FAM98B: variants seen among roughly 807,000 people sequenced by gnomAD.
FAM98B encodes tRNA-splicing ligase complex subunit FAM98B.
FAM98B carries 32 observed loss-of-function variants against 43.9 expected under a neutral mutation model. That is an observed-to-expected ratio of 0.73 (90% CI 0.55 to 0.98). The LOEUF (loss-of-function observed/expected upper bound fraction) is 0.98. Ranked by LOEUF, FAM98B falls within the 50% of genes least tolerant of loss-of-function variation. The pLI, the probability that FAM98B is intolerant of heterozygous loss-of-function variation, is 0.00. For synonymous variants in FAM98B, 190 were observed against 174.0 expected (o/e 1.09, Z -0.72); for missense variants, 514 against 522.9 (o/e 0.98, Z 0.17).
chr15:38,471,448 A>G (rs1036588179), intron 4 of FAM98B, among the ~76,000 whole-genome samples: 4 of 152,046 alleles, frequency 2.6e-5, no homozygotes, highest in African/African-American at 9.7e-5. Context: ...TTCTGGGACT[A>G]TTTCAGATTG....
In FAM98B at chr15:38,470,412, T is replaced by A. The variant is rs761615545; in HGVS notation, c.531+7T>A. The A allele has an allele frequency of 1.9e-6, 3 of 1,575,616 alleles. No homozygotes were observed. The highest frequency in any genetic ancestry group is 2.1e-5 in the Admixed American group (1 of 48,580). On this transcript the variant is annotated splice_region_variant and intron_variant, in intron 4 of 7. Transcript: ENST00000397609. ...AAACCAAGTGGAATCAAAGGTATTA[T>A]CTTTGTTTTATTTTCCCCAAAATTC...
In FAM98B at chr15:38,464,063, C is replaced by G; in HGVS notation, c.103C>G (p.Leu35Val). Residue 35 changes from leucine (L) to valine (V), a missense_variant, in exon 2 of 8, where the codon CTT (leucine) becomes GTT (valine). By Grantham distance (32) the Leu-to-Val change is conservative. This residue lies in a region of FAM98B where 469 missense variants were observed against 451.8 expected (regional missense o/e 1.04). Transcript: ENST00000397609. Reference protein sequence around the residue: ...YKGPLLEEQALTKAAEGGLSS... With the variant: ...YKGPLLEEQAVTKAAEGGLSS... ...AGGACCATTGTTAGAAGAGCAAGCC[C>G]TTACAAAGGCGGCAGAGGGTGGATT... 1 of 1,612,730 alleles carries G rather than the reference C, an allele frequency of 6.2e-7. No individual in the cohort carries two copies. The highest frequency in any genetic ancestry group is 8.5e-7 in the Non-Finnish European group (1 of 1,179,320).
At chr15:38,483,454 C>T (rs980581147) in intron 7 of FAM98B, 2 of 152,016 alleles carry the variant, frequency 1.3e-5, no homozygotes, top group Admixed American at 1.3e-4. Context: ...ATCACGAGGT[C>T]AGGAGATCAA....
intron 1 of FAM98B, chr15:38,459,050 G>A: frequency 2.9e-6 from 1 of 342,774 alleles, no homozygotes. Context: ...TCACAGGGTT[G>A]GCATACTTGG....
chr15:38,484,434 G>C lies in FAM98B; in HGVS notation c.1077G>C (p.Trp359Cys). The stretch of plus-strand genomic sequence containing the variant: ...GGGGTGGGGGTGGGAGAGGTGGCTG[G>C]GGGGGTGGAGGAGGAGGTTGGGGAG... ...GGGGGGGRGG[W>C]GGGGGGWGGG... The change falls in exon 8 of 8, where the codon TGG becomes TGC. Residue 359 changes from tryptophan (W) to cysteine (C), a missense_variant. Trp to Cys is a radical substitution (Grantham distance 215, BLOSUM62 -2). Coordinates refer to ENST00000397609, the MANE Select transcript of FAM98B (RefSeq NM_173611.4). 1 of 812,572 alleles carries C rather than the reference G, an allele frequency of 1.2e-6. No individual in the cohort carries two copies. The highest frequency in any genetic ancestry group is 1.5e-6 in the Non-Finnish European group (1 of 683,370). 50.3% of individuals were successfully genotyped at this position (812,572 alleles called of 1,614,324 possible). A position where few individuals can be genotyped will look rare whatever the true frequency, so the allele number is the denominator to read the frequency against.
intron 4 of FAM98B, 120 bp downstream of exon 4, chr15:38,470,525 T>C: frequency 1.1e-6 from 1 of 929,570 alleles, no homozygotes; most frequent in Non-Finnish European, 1.5e-6. Flanking sequence ...AGAGTTTATC[T>C]TCATATAAAC....
At chr15:38,473,795 C>T (rs1011836647) in intron 5 of FAM98B, among the ~76,000 whole-genome samples, 2 of 152,120 alleles carry the variant, frequency 1.3e-5, no homozygotes, top group Admixed American at 1.3e-4. Context: ...ATTGATAGTG[C>T]TCAATGTGCT....
rs923447867 is a variant in FAM98B at position 38,487,150 on chromosome 15, A to G, written c.*2491A>G. On this transcript the variant is annotated 3_prime_UTR_variant, in exon 8 of 8. Coordinates refer to ENST00000397609, the MANE Select transcript of FAM98B (RefSeq NM_173611.4). ...AAAGAGCATGTATTCTGTCTATAAC[A>G]TAATCACCACACTATTACTCATAAG... 1.3e-5 allele frequency: 2 copies of G among 152,146 alleles called. No individual in the cohort carries two copies. Among genetic ancestry groups the G allele is most frequent in the African/African-American group, 4.8e-5 (2 of 41,444 alleles). The allele number at this position is 152,146 out of a possible 1,614,324, so 9.4% of individuals were successfully genotyped here.
intron 3 of FAM98B, among the ~76,000 whole-genome samples, chr15:38,469,611 G>A (rs949197995): frequency 3.9e-5 from 6 of 152,070 alleles, no homozygotes; most frequent in Non-Finnish European, 8.8e-5. Context: ...ACAGGTCCTT[G>A]GTAGACATGT....
At chr15:38,454,850 T>C (rs1020209334) in intron 1 of FAM98B, among the ~76,000 whole-genome samples, 8 of 152,208 alleles carry the variant, frequency 5.3e-5, no homozygotes, top group African/African-American at 1.9e-4. Context: ...TTGGCTTACA[T>C]AGTCGCGCAG....
chr15:38,481,586 C>T, intron 7 of FAM98B, 127 bp downstream of exon 7: 1 of 1,609,830 alleles, frequency 6.2e-7, no homozygotes, highest in East Asian at 2.2e-5. Flanking sequence ...CAGGGGGGTT[C>T]AGTCTAGGCT....
At chr15:38,479,117 C>G (rs1890247712) in intron 6 of FAM98B, among the ~76,000 whole-genome samples, 1 of 151,948 alleles carries the variant, frequency 6.6e-6, no homozygotes, top group Non-Finnish European at 1.5e-5. Flanking sequence ...TGCCACCACA[C>G]CTGGCTAATT....
At chr15:38,455,107 C>T (rs1889827964) in intron 1 of FAM98B, among the ~76,000 whole-genome samples, 1 of 152,154 alleles carries the variant, frequency 6.6e-6, no homozygotes, top group East Asian at 1.9e-4. Flanking sequence ...CAAGTCAGCT[C>T]CTGGAAAACT....
chr15:38,473,431 A>T, intron 4 of FAM98B, 74 bp from the exon 5 acceptor site: 2 of 1,058,378 alleles, frequency 1.9e-6, no homozygotes, highest in South Asian at 1.5e-5. Flanking sequence ...GTTCAGAGCG[A>T]TACTTTAAAC....
intron 2 of FAM98B, among the ~76,000 whole-genome samples, chr15:38,464,546 T>A (rs1449912456): frequency 6.6e-6 from 1 of 151,998 alleles, no homozygotes; most frequent in Non-Finnish European, 1.5e-5. Flanking sequence ...TATATATATA[T>A]AATTCCTAAT....
At chr15:38,474,340 A>G (rs1168967614) in intron 6 of FAM98B, 42 bp downstream of exon 6, 19 of 1,349,304 alleles carry the variant, frequency 1.4e-5, no homozygotes, top group African/African-American at 8.6e-5. Flanking sequence ...GTGGTAGCCT[A>G]TAACAGCTCT....
At chr15:38,467,641 G>C (rs1339577603) in intron 3 of FAM98B, among the ~76,000 whole-genome samples, 1 of 152,054 alleles carries the variant, frequency 6.6e-6, no homozygotes, top group African/African-American at 2.4e-5. Context: ...CAATTCTTTT[G>C]ACTTGGCAAT....
At chr15:38,479,729 A>C (rs761844915) in intron 6 of FAM98B, among the ~76,000 whole-genome samples, 1 of 152,156 alleles carries the variant, frequency 6.6e-6, no homozygotes, top group Non-Finnish European at 1.5e-5. Flanking sequence ...TCAGAGTAAA[A>C]TTTTATGGTG....
At position 38,469,737 on chromosome 15, in the gene FAM98B, T is replaced by C. The variant is rs140534460; in HGVS notation, c.353-490T>C. 7.9e-5 allele frequency among the ~76,000 whole-genome samples: 12 copies of C among 152,074 alleles called. No homozygotes were observed. In the East Asian group the frequency reaches 2.1e-3, roughly 27 times the overall value. On this transcript the variant is annotated intron_variant, in intron 3 of 7. Coordinates refer to ENST00000397609, the MANE Select transcript of FAM98B (RefSeq NM_173611.4). ...CCATTTCTCTTTTTCCTGGTAGTAT[T>C]AAATAAATTCATTTTAGTTTTTTGC...
Sources: allele counts gnomAD v4.1 joint callset (sites outside exome capture counted in the v4.1 genomes callset), GRCh38; gene constraint gnomAD v4.1.1; regional missense constraint gnomAD v4.1.1; transcripts MANE v1.5; gene names NCBI Gene and HGNC (gene_info 2026-07-23, HGNC 2026-07-21).